The following RAB40B variants were observed in gnomAD, a reference collection of about 807,000 sequenced individuals.
RAB40B encodes the protein ras-related protein Rab-40B.
In RAB40B, 21 loss-of-function variants were observed where a neutral mutation model predicts 24.0. That is an observed-to-expected ratio of 0.88 (90% CI 0.62 to 1.26). The LOEUF is 1.26. Ranked by LOEUF, RAB40B falls within the 50% of genes most tolerant of loss-of-function variation. The pLI, the probability that RAB40B is intolerant of heterozygous loss-of-function variation, is 0.00. For missense variants in RAB40B, 348 were observed against 390.5 expected, an observed-to-expected ratio of 0.89 and a Z score of 0.92; for synonymous variants, 167 against 169.8, an observed-to-expected ratio of 0.98 and a Z score of 0.13.
chr17:82,660,492 T>C (rs1414140868), intron 3 of RAB40B, among the ~76,000 whole-genome samples: 1 of 141,126 alleles, frequency 7.1e-6, no homozygotes, highest in Non-Finnish European at 1.5e-5. Flanking sequence ...CGTGTACACA[T>C]ACACGCACAT....
At chr17:82,665,167 A>G (rs2046239344) in intron 1 of RAB40B, among the ~76,000 whole-genome samples, 1 of 152,146 alleles carries the variant, frequency 6.6e-6, no homozygotes, top group African/African-American at 2.4e-5. Context: ...GGTGCAGATT[A>G]CAGGTAGGCT....
chr17:82,690,731 G>C (rs1433155871), intron 1 of RAB40B, among the ~76,000 whole-genome samples: 1 of 150,060 alleles, frequency 6.7e-6, no homozygotes, highest in Non-Finnish European at 1.5e-5. Context: ...GTGTGTTCCT[G>C]GGGAACAGAG....
At chr17:82,686,960 G>A (rs553466806) in intron 1 of RAB40B, among the ~76,000 whole-genome samples, 13 of 151,440 alleles carry the variant, frequency 8.6e-5, no homozygotes, top group African/African-American at 2.9e-4. Flanking sequence ...AGACCCTCCC[G>A]TCCAGTGCTG....
At position 82,697,522 on chromosome 17, in the gene RAB40B, C is replaced by A. The variant is rs866086818; in HGVS notation, c.142+933G>T. 3.0e-4 allele frequency among the ~76,000 whole-genome samples: 46 copies of A among 152,190 alleles called. No individual in the cohort carries two copies. The highest frequency in any genetic ancestry group is 1.1e-3 in the African/African-American group (45 of 41,428). On this transcript the variant is annotated intron_variant, in intron 1 of 5. Coordinates refer to ENST00000571995, the MANE Select transcript of RAB40B (RefSeq NM_006822.3). This position sits in a 1 kb window ranked among gnomAD's most constrained non-coding sequence, Gnocchi z 4.9. ...GTCTCTGTTGGAAGCGTGGGTTCAG[C>A]CCCGAGGCGCGGCAGGAAGGTGGGC... is the stretch of plus-strand genomic sequence containing the variant.
At chr17:82,658,758 G>A (rs778283673) in intron 4 of RAB40B, 45 bp from the exon 5 acceptor site, 4 of 1,541,800 alleles carry the variant, frequency 2.6e-6, no homozygotes, top group Non-Finnish European at 3.5e-6. Context: ...ACTTCAGTGA[G>A]ATTTTGTTGT....
At chr17:82,665,140 G>A (rs956543092) in intron 1 of RAB40B, among the ~76,000 whole-genome samples, 3 of 152,094 alleles carry the variant, frequency 2.0e-5, no homozygotes, top group African/African-American at 4.8e-5. Context: ...CTGCACACCC[G>A]TCCCAGCCAC....
chr17:82,678,704 C>T (rs569080359), intron 1 of RAB40B, among the ~76,000 whole-genome samples: 6 of 152,232 alleles, frequency 3.9e-5, no homozygotes, highest in South Asian at 2.1e-4. Flanking sequence ...TGGCGGTCCC[C>T]GGGGCAGAGG....
At chr17:82,685,089 G>A (rs1317500803) in intron 1 of RAB40B, among the ~76,000 whole-genome samples, 1 of 151,186 alleles carries the variant, frequency 6.6e-6, no homozygotes, top group Non-Finnish European at 1.5e-5. Flanking sequence ...CTCCAGCCTG[G>A]GTGACAAGAG....
In RAB40B at chr17:82,698,456, C is replaced by T. The variant is rs778095790; in HGVS notation, c.141G>A (p.Ala47=). ...GGCACGCCCTCCGCCCGCGCTCACC[C>T]GCCGGGTGGCCGTACGGGGACTCGG... ...GAAESPYGHP[A]GIDYKTTTIL... The change falls in exon 1 of 6, where the codon GCG becomes GCA. Residue 47 remains alanine (A), a splice_region_variant and synonymous_variant. Coordinates refer to ENST00000571995, the MANE Select transcript of RAB40B (RefSeq NM_006822.3). 11 of 1,461,720 alleles carry T rather than the reference C, an allele frequency of 7.5e-6. No individual in the cohort carries two copies. In the South Asian group the frequency reaches 1.4e-4, roughly 19 times the overall value. 90.5% of individuals were successfully genotyped at this position (1,461,720 alleles called of 1,614,324 possible).
chr17:82,693,010 CTT>C (rs1369583834), intron 1 of RAB40B, among the ~76,000 whole-genome samples: 11 of 149,816 alleles, frequency 7.3e-5, no homozygotes, highest in Non-Finnish European at 1.2e-4. Context: ...TATTTTTTTT[CTT>C]TTTTTTTGGA....
In RAB40B at chr17:82,672,247, C is replaced by G. The variant is rs4789822; in HGVS notation, c.143-7691G>C. On this transcript the variant is annotated intron_variant, in intron 1 of 5. Coordinates refer to ENST00000571995, the MANE Select transcript of RAB40B (RefSeq NM_006822.3). ...CTCTAACACACACACTCACACGCTCCCTGTACTCACTGACACACCCCACCC... is the reference window on the plus strand; with the variant it reads ...CTCTAACACACACACTCACACGCTCGCTGTACTCACTGACACACCCCACCC... 9.9e-5 allele frequency among the ~76,000 whole-genome samples: 10 copies of G among 101,466 alleles called. No homozygotes were observed. In the East Asian group the frequency reaches 2.2e-3, roughly 22 times the overall value. The allele number at this position is 101,466 out of a possible 152,430, so 66.6% of individuals were successfully genotyped here. A position where few individuals can be genotyped will look rare whatever the true frequency, so the allele number is the denominator to read the frequency against.
At position 82,660,998 on chromosome 17, in the gene RAB40B, G is replaced by A. The variant is rs114060137; in HGVS notation, c.253C>T (p.Arg85Trp). Reference sequence around the variant, plus strand: ...GGATGCTGTGTTACCTGTGCGCCCCGGGAGTAGGAGCGGAATATGGTACAA... The same window carrying A: ...GGATGCTGTGTTACCTGTGCGCCCCAGGAGTAGGAGCGGAATATGGTACAA... ...RFCTIFRSYS[R>W]GAQGVILVYD... The change falls in exon 3 of 6, where the codon CGG (arginine) becomes TGG (tryptophan). Residue 85 changes from arginine (R) to tryptophan (W), a missense_variant. Coordinates refer to ENST00000571995, the MANE Select transcript of RAB40B (RefSeq NM_006822.3). 37 of 1,613,886 alleles carry A rather than the reference G, an allele frequency of 2.3e-5. No homozygotes were observed. Among genetic ancestry groups the A allele is most frequent in the Admixed American group, 3.3e-5 (2 of 59,994 alleles).
rs202007349 is a variant in RAB40B at position 82,657,796 on chromosome 17, C to T, written c.*67G>A. 637 of 1,568,608 alleles carry T rather than the reference C, an allele frequency of 4.1e-4. 6 individuals carry two copies. In the South Asian group the frequency reaches 6.7e-3, roughly 17 times the overall value. On this transcript the variant is annotated 3_prime_UTR_variant, in exon 6 of 6. Coordinates refer to ENST00000571995, the MANE Select transcript of RAB40B (RefSeq NM_006822.3). ...GGAACCGGGATCTGAGATGCATCCA[C>T]CAGCTGCCGGGGGTAACGCCGAGCT...
rs182131887 is a variant in RAB40B at position 82,663,983 on chromosome 17, G to A, written c.203+513C>T. 3.3e-4 allele frequency among the ~76,000 whole-genome samples: 49 copies of A among 148,792 alleles called. No homozygotes were observed. The highest frequency in any genetic ancestry group is 6.4e-4 in the Non-Finnish European group (43 of 66,742). On this transcript the variant is annotated intron_variant, in intron 2 of 5. Transcript: ENST00000571995. The surrounding 1 kb of genome is among the most constrained non-coding windows in gnomAD (Gnocchi z 6.2). ...GTGCTCCCCGGGGCGCTGTGCCGAC[G>A]GTGGTGGTGGGAGGGTGTTCCCGGG...
At chr17:82,660,637 AC>A (rs1598294279) in intron 3 of RAB40B, among the ~76,000 whole-genome samples, 1 of 150,616 alleles carries the variant, frequency 6.6e-6, no homozygotes, top group African/African-American at 2.5e-5. Context: ...ACACACACGC[AC>A]AGGCACTCAT....
At chr17:82,679,406 C>T (rs1018927996) in intron 1 of RAB40B, among the ~76,000 whole-genome samples, 6 of 151,648 alleles carry the variant, frequency 4.0e-5, no homozygotes, top group Non-Finnish European at 8.8e-5. Context: ...CTCAGCCTCC[C>T]GAGTAGCTGG....
chr17:82,673,461 TA>T (rs11357202), intron 1 of RAB40B, among the ~76,000 whole-genome samples: 148,035 of 152,280 alleles, frequency 0.97, 71,979 homozygotes, highest in East Asian at 1. Flanking sequence ...TTCCCTCTCT[TA>T]AGCTGACTCC....
chr17:82,674,338 C>T (rs1460487483), intron 1 of RAB40B, among the ~76,000 whole-genome samples: 2 of 136,026 alleles, frequency 1.5e-5, no homozygotes, highest in Non-Finnish European at 3.2e-5. Flanking sequence ...GAAACTCCGT[C>T]TCAAAAGAAA....
chr17:82,662,519 G>A, intron 2 of RAB40B: 2 of 985,440 alleles, frequency 2.0e-6, no homozygotes, highest in South Asian at 4.7e-5. Context: ...AGTGGGTGTG[G>A]GGAGGGAGGT....
Sources: allele counts gnomAD v4.1 joint callset (sites outside exome capture counted in the v4.1 genomes callset), GRCh38; gene constraint gnomAD v4.1.1; non-coding constraint Gnocchi (gnomAD v3.1); transcripts MANE v1.5; gene names NCBI Gene and HGNC (gene_info 2026-07-23, HGNC 2026-07-21).